Variants in KHDC4 observed in about 807,000 individuals in gnomAD.
KHDC4 encodes the protein KH homology domain-containing protein 4.
Under a neutral mutation model 74.5 loss-of-function variants are expected in KHDC4, and 19 were observed. The ratio of observed to expected loss-of-function variants is 0.26; its 90% confidence interval spans 0.18 to 0.37. KHDC4 has a LOEUF of 0.37. KHDC4 is among the 10% of genes least tolerant of loss of function. The pLI, the probability that KHDC4 is intolerant of heterozygous loss-of-function variation, is 1.00. For synonymous variants in KHDC4, 253 were observed against 266.1 expected, an observed-to-expected ratio of 0.95 and a Z score of 0.48; for missense variants, 632 against 754.1, an observed-to-expected ratio of 0.84 and a Z score of 1.90.
intron 8 of KHDC4, 40 bp downstream of exon 8, chr1:155,923,587 A>G (rs369248521): frequency 1.5e-5 from 22 of 1,465,496 alleles, no homozygotes; most frequent in Non-Finnish European, 2.0e-5. Flanking sequence ...CCAAAATGGC[A>G]ATTGCTCTTC....
At chr1:155,926,003 G>T (rs769704417) in intron 6 of KHDC4, 160 bp from the exon 7 acceptor site, 2 of 777,878 alleles carry the variant, frequency 2.6e-6, no homozygotes, top group Admixed American at 1.7e-5. Flanking sequence ...TTCAGTGAAG[G>T]CTGCTCTCTC....
intron 8 of KHDC4, 23 bp from the exon 9 acceptor site, chr1:155,921,941 T>C (rs372208540): frequency 6.5e-7 from 1 of 1,529,092 alleles, no homozygotes; most frequent in Non-Finnish European, 9.0e-7. Flanking sequence ...GGGAAACAAA[T>C]TAACATGGGA....
chr1:155,932,885 C>T (rs900362874), intron 2 of KHDC4, among the ~76,000 whole-genome samples: 13 of 151,982 alleles, frequency 8.6e-5, no homozygotes, highest in Non-Finnish European at 2.9e-5. Context: ...TGTAGTGAGC[C>T]GAGATCACCC....
intron 11 of KHDC4, chr1:155,917,026 A>G: frequency 3.7e-6 from 1 of 266,954 alleles, no homozygotes; most frequent in Non-Finnish European, 7.0e-6. Flanking sequence ...GAAACTATAA[A>G]AAAATGCTTT....
intron 5 of KHDC4, 87 bp from the exon 6 acceptor site, chr1:155,926,926 G>T: frequency 6.8e-7 from 1 of 1,469,952 alleles, no homozygotes; most frequent in Non-Finnish European, 9.5e-7. Context: ...CCGTAAATCT[G>T]CTTTATACGT....
intron 10 of KHDC4, chr1:155,919,934 A>G: frequency 2.0e-6 from 1 of 504,192 alleles, no homozygotes; most frequent in Non-Finnish European, 4.0e-6. Flanking sequence ...TTCAGTGCTC[A>G]CAGCCCACAG....
In KHDC4 at chr1:155,926,766, A is replaced by T. The variant is rs1308709715; in HGVS notation, c.591T>A (p.Phe197Leu). ...VKAATGTSPT[F>L]NGATVTVYHQ... is the part of the protein sequence containing the mutation. ...GATAGACAGTTACTGTTGCACCATT[A>T]AAAGTTGGACTTGTTCCTGTGGCAG... The change falls in exon 6 of 14, where the codon TTT (phenylalanine) becomes TTA (leucine). Residue 197 changes from phenylalanine to leucine, a missense_variant. Physicochemically the swap from Phe to Leu is conservative, Grantham distance 22. Coordinates refer to ENST00000368321, the MANE Select transcript of KHDC4 (RefSeq NM_014949.4). 6.2e-7 allele frequency: 1 copy of T among 1,614,180 alleles called. No homozygotes were observed. Among genetic ancestry groups the T allele is most frequent in the Non-Finnish European group, 8.5e-7 (1 of 1,180,024 alleles).
rs777742302 is a variant in KHDC4, at chr1:155,921,580, T to C, written c.1061A>G (p.Tyr354Cys). The change falls in exon 10 of 14, where the codon TAT becomes TGT. Residue 354 changes from tyrosine to cysteine, a missense_variant. Physicochemically the swap from Tyr to Cys is radical, Grantham distance 194. Around this residue, in one of 4 missense-constraint regions of KHDC4, gnomAD observed 254 missense variants for 267.4 expected, o/e 0.95. Coordinates refer to ENST00000368321, the MANE Select transcript of KHDC4 (RefSeq NM_014949.4). ...AGACTGATAGCCATTGGATGGATAA[T>C]ATGGTGGTTGAGGAGGGACACTACT... is the stretch of plus-strand genomic sequence containing the variant. ...AISSVPPQPP[Y>C]YPSNGYQSGY... is the part of the protein sequence containing the mutation. 6.2e-6 allele frequency: 10 copies of C among 1,613,830 alleles called. No individual in the cohort carries two copies. Among genetic ancestry groups the C allele is most frequent in the Non-Finnish European group, 8.5e-6 (10 of 1,179,972 alleles).
At chr1:155,930,907 C>A (rs1674126447) in intron 2 of KHDC4, among the ~76,000 whole-genome samples, 1 of 151,970 alleles carries the variant, frequency 6.6e-6, no homozygotes, top group African/African-American at 2.4e-5. Flanking sequence ...CCAGCTACTC[C>A]GGAGGCTCAG....
At chr1:155,928,434 T>G (rs1248699428) in intron 4 of KHDC4, among the ~76,000 whole-genome samples, 2 of 152,076 alleles carry the variant, frequency 1.3e-5, no homozygotes, top group Admixed American at 1.3e-4. Flanking sequence ...TTTTGCCACC[T>G]TATTTTGTGT....
At chr1:155,914,426 T>TG in intron 13 of KHDC4, 106 bp from the exon 14 acceptor site, 1 of 928,156 alleles carries the variant, frequency 1.1e-6, no homozygotes, top group Non-Finnish European at 1.6e-6. Flanking sequence ...AGTGGTTAGT[T>TG]GGACACCATT....
At position 155,914,047 on chromosome 1, in the gene KHDC4, A is replaced by G. The variant is rs1489115396; in HGVS notation, c.*74T>C. The G allele has an allele frequency of 1.6e-6, 2 of 1,278,436 alleles. No homozygotes were observed. The highest frequency in any genetic ancestry group is 2.3e-6 in the Non-Finnish European group (2 of 876,620). The allele number at this position is 1,278,436 out of a possible 1,614,324, so 79.2% of individuals were successfully genotyped here. On this transcript the variant is annotated 3_prime_UTR_variant, in exon 14 of 14. Transcript: ENST00000368321. ...AGATGGTTCCCAGCACAGGCCCCAGAGTCTTGTTAAATCAAATGCATGCAT... is the reference window on the plus strand; with the variant it reads ...AGATGGTTCCCAGCACAGGCCCCAGGGTCTTGTTAAATCAAATGCATGCAT...
intron 9 of KHDC4, 94 bp downstream of exon 9, chr1:155,921,767 T>G: frequency 1.4e-6 from 2 of 1,402,968 alleles, no homozygotes; most frequent in South Asian, 2.6e-5. Flanking sequence ...AAGGGAACAT[T>G]AATAGTGCCC....
rs1427341761 is a variant in KHDC4 at position 155,926,139 on chromosome 1, C to T, written c.682-296G>A. The T allele has an allele frequency of 1.0e-5, 6 of 578,742 alleles. No homozygotes were observed. The Admixed American group carries it at 1.1e-4, about 11-fold the overall frequency. 35.9% of individuals were successfully genotyped at this position (578,742 alleles called of 1,614,324 possible). ...AAACCACTAACTTCAAAATGTACAA[C>T]ATGTATACCTTCTGCTCTATCAATC... is the stretch of plus-strand genomic sequence containing the variant. On this transcript the variant is annotated intron_variant, in intron 6 of 13. Coordinates refer to ENST00000368321, the MANE Select transcript of KHDC4 (RefSeq NM_014949.4).
chr1:155,920,665 T>C (rs562441850), intron 10 of KHDC4, among the ~76,000 whole-genome samples: 15 of 152,276 alleles, frequency 9.9e-5, no homozygotes, highest in African/African-American at 3.6e-4. Flanking sequence ...CTCAGCCTCT[T>C]AAGTAGCTGA....
chr1:155,927,875 A>ACACACACACACACACAC (rs1557970782), intron 4 of KHDC4, among the ~76,000 whole-genome samples: 2 of 71,622 alleles, frequency 2.8e-5, no homozygotes, highest in African/African-American at 1.0e-4. Flanking sequence ...CACACACACA[A>ACACACACACACACACAC]AATTAATGGG....
At chr1:155,924,304 G>T (rs542631415) in intron 7 of KHDC4, among the ~76,000 whole-genome samples, 2 of 152,014 alleles carry the variant, frequency 1.3e-5, no homozygotes, top group Admixed American at 1.3e-4. Flanking sequence ...CCACCTCCTG[G>T]GTTCACGTCA....
At position 155,925,678 on chromosome 1, in the gene KHDC4, G is replaced by C. The variant is rs1349370760; in HGVS notation, c.847C>G (p.Pro283Ala). The C allele has an allele frequency of 5.0e-6, 8 of 1,614,016 alleles. No homozygotes were observed. The highest frequency in any genetic ancestry group is 1.3e-5 in the African/African-American group (1 of 74,898). Residue 283 changes from proline (P) to alanine (A), a missense_variant, in exon 7 of 14, where the codon CCA (proline) becomes GCA (alanine). By Grantham distance (27) the Pro-to-Ala change is conservative. Coordinates refer to ENST00000368321, the MANE Select transcript of KHDC4 (RefSeq NM_014949.4). ...TCAAAAGCTTCTCGGCCAGATGCTGGCTCAATGCAGCCTGAACCTTTGCCC... is the reference window on the plus strand; with the variant it reads ...TCAAAAGCTTCTCGGCCAGATGCTGCCTCAATGCAGCCTGAACCTTTGCCC... The part of the protein sequence containing the change: ...LRGKGSGCIE[P>A]ASGREAFEPM...
Sources: allele counts gnomAD v4.1 joint callset (sites outside exome capture counted in the v4.1 genomes callset), GRCh38; gene constraint gnomAD v4.1.1; regional missense constraint gnomAD v4.1.1; transcripts MANE v1.5; gene names NCBI Gene and HGNC (gene_info 2026-07-23, HGNC 2026-07-21).